The following ESCO2 variants were observed in gnomAD, a reference collection of about 807,000 sequenced individuals.
The protein encoded by ESCO2 is establishment of sister chromatid cohesion N-acetyltransferase 2, also known as N-acetyltransferase ESCO2.
In ESCO2, 51 loss-of-function variants were observed where a neutral mutation model predicts 61.7. The observed-to-expected ratio is 0.83, with a 90% CI of 0.66 to 1.04. The LOEUF is 1.04. Ranked by LOEUF, ESCO2 falls within the 50% of genes least tolerant of loss-of-function variation. The pLI is 0.00. For missense variants in ESCO2, 692 were observed against 686.2 expected (o/e 1.01, Z -0.09); for synonymous variants, 230 against 238.2 (o/e 0.97, Z 0.32).
At chr8:27,814,155 G>C (rs1484281182), downstream of ESCO2, among the ~76,000 whole-genome samples, 1 of 152,044 alleles carries the variant, frequency 6.6e-6, no homozygotes, top group Non-Finnish European at 1.5e-5. Flanking sequence ...TTGGATATTT[G>C]GTAGAAATCA....
At position 27,799,556 on chromosome 8, in the gene ESCO2, T is replaced by A; in HGVS notation, c.1513T>A (p.Ser505Thr). The A allele has an allele frequency of 6.2e-7, 1 of 1,614,034 alleles. No individual in the cohort carries two copies. Among genetic ancestry groups the A allele is most frequent in the Non-Finnish European group, 8.5e-7 (1 of 1,179,990 alleles). Residue 505 changes from serine (S) to threonine (T), a missense_variant, in exon 10 of 11, where the codon TCT becomes ACT. Coordinates refer to ENST00000305188, the MANE Select transcript of ESCO2 (RefSeq NM_001017420.3). ...EPIKQAFRVL[S>T]EPIGPESPSS... ...ATCATTGCAGGCATTTCGTGTCCTGTCTGAACCAATTGGTCCAGAATCCCC... is the reference window on the plus strand; with the variant it reads ...ATCATTGCAGGCATTTCGTGTCCTGACTGAACCAATTGGTCCAGAATCCCC...
downstream of ESCO2, among the ~76,000 whole-genome samples, chr8:27,809,345 T>C (rs557728185): frequency 6.6e-6 from 1 of 152,224 alleles, no homozygotes; most frequent in Non-Finnish European, 1.5e-5. Context: ...CTAGGCATTT[T>C]TAAAGTTCAG....
chr8:27,798,393 G>A (rs1409090745), intron 9 of ESCO2, among the ~76,000 whole-genome samples: 1 of 152,070 alleles, frequency 6.6e-6, no homozygotes, highest in Non-Finnish European at 1.5e-5. Context: ...CCAGGAGGTG[G>A]AGGTTGCAGT....
chr8:27,777,447 C>T, intron 3 of ESCO2: 1 of 239,412 alleles, frequency 4.2e-6, no homozygotes, highest in East Asian at 1.2e-4. Flanking sequence ...TATAGATGCA[C>T]ACCACCTCAC....
chr8:27,818,038 G>A, the ESCO2 span, among the ~76,000 whole-genome samples: 3 of 152,176 alleles, frequency 2.0e-5, no homozygotes, highest in African/African-American at 7.2e-5. Flanking sequence ...GTATTGGACA[G>A]TACCACTCCA....
Position 27,804,324 on chromosome 8 carries a change from T to G in ESCO2, c.*886T>G. The G allele has an allele frequency of 1.0e-6, 1 of 985,456 alleles. No individual in the cohort carries two copies. Among genetic ancestry groups the G allele is most frequent in the Non-Finnish European group, 1.2e-6 (1 of 829,918 alleles). 61.0% of individuals were successfully genotyped at this position (985,456 alleles called of 1,614,324 possible). A position where few individuals can be genotyped will look rare whatever the true frequency, so the allele number is the denominator to read the frequency against. On this transcript the variant is annotated 3_prime_UTR_variant, in exon 11 of 11. Transcript: ENST00000305188. ...TAGTACTACTTTGGGAACCTGTTAC[T>G]GACAATTGATGTCATTAACAAAATG... is the stretch of plus-strand genomic sequence containing the variant.
chr8:27,790,963 G>GC (rs1318744333), intron 7 of ESCO2, among the ~76,000 whole-genome samples: 7 of 152,042 alleles, frequency 4.6e-5, no homozygotes, highest in Non-Finnish European at 8.8e-5. Flanking sequence ...ATCCTTCTCT[G>GC]TAAAAAATGT....
rs573558816 is a variant in ESCO2 at position 27,803,655 on chromosome 8, A to C, written c.*217A>C. 9.0e-6 allele frequency: 12 copies of C among 1,340,614 alleles called. No individual in the cohort carries two copies. In the East Asian group the frequency reaches 3.7e-4, roughly 41 times the overall value. 83.0% of individuals were successfully genotyped at this position (1,340,614 alleles called of 1,614,324 possible). A position where few individuals can be genotyped will look rare whatever the true frequency, so the allele number is the denominator to read the frequency against. ...AAATTATCTGGGGATTCAAAGGAAA[A>C]ATCTTTGGGTGATTCCCTGATTAGC... On this transcript the variant is annotated 3_prime_UTR_variant, in exon 11 of 11. Coordinates refer to ENST00000305188, the MANE Select transcript of ESCO2 (RefSeq NM_001017420.3).
At chr8:27,780,016 C>T (rs1451806452) in intron 3 of ESCO2, 158 bp from the exon 4 acceptor site, 1 of 606,884 alleles carries the variant, frequency 1.6e-6, no homozygotes, top group African/African-American at 1.9e-5. Context: ...GGGAAGTTTT[C>T]CTAAAAATAG....
At chr8:27,792,088 C>T in intron 8 of ESCO2, 36 bp downstream of exon 8, 1 of 1,603,554 alleles carries the variant, frequency 6.2e-7, no homozygotes, top group Non-Finnish European at 8.5e-7. Flanking sequence ...TTGCCTTTCC[C>T]CACCCCCAAG....
intron 7 of ESCO2, 64 bp downstream of exon 7, chr8:27,789,042 C>A: frequency 6.3e-7 from 1 of 1,597,868 alleles, no homozygotes; most frequent in South Asian, 1.1e-5. Flanking sequence ...ATTTCTTTTC[C>A]ACCACCTCTA....
intron 5 of ESCO2, among the ~76,000 whole-genome samples, chr8:27,784,614 C>G (rs77294933): frequency 0.015 from 2,215 of 152,234 alleles, 49 homozygotes; most frequent in African/African-American, 0.045. Context: ...GAGTAAGTAA[C>G]TTGCAGCAGC....
upstream of ESCO2, chr8:27,772,599 T>A: frequency 6.6e-7 from 1 of 1,521,700 alleles, no homozygotes; most frequent in Non-Finnish European, 8.9e-7. Context: ...CTCACGAAGC[T>A]CAGGATACCA....
intron 9 of ESCO2, among the ~76,000 whole-genome samples, chr8:27,793,706 T>G (rs1008669210): frequency 2.0e-5 from 3 of 152,050 alleles, no homozygotes; most frequent in Non-Finnish European, 4.4e-5. Flanking sequence ...AGGCTGATCT[T>G]GAACTCCTGA....
At chr8:27,790,130 A>G (rs543947663) in intron 7 of ESCO2, among the ~76,000 whole-genome samples, 95 of 152,340 alleles carry the variant, frequency 6.2e-4, no homozygotes, top group Non-Finnish European at 1.2e-3. Context: ...CCACCTTGTC[A>G]CATGACACAT....
intron 4 of ESCO2, among the ~76,000 whole-genome samples, chr8:27,781,182 T>C (rs1804920316): frequency 6.6e-6 from 1 of 152,190 alleles, no homozygotes; most frequent in Non-Finnish European, 1.5e-5. Context: ...AGTTTATCAT[T>C]TAATTCTCCC....
chr8:27,800,275 T>TTA (rs1209633209), intron 10 of ESCO2, among the ~76,000 whole-genome samples: 1 of 152,178 alleles, frequency 6.6e-6, no homozygotes, highest in Non-Finnish European at 1.5e-5. Context: ...AAAATAATTC[T>TTA]TATAACACAA....
chr8:27,804,017 C>A lies in ESCO2; in HGVS notation c.*579C>A. 1 of 986,510 alleles carries A rather than the reference C, an allele frequency of 1.0e-6. No homozygotes were observed. Among genetic ancestry groups the A allele is most frequent in the African/African-American group, 1.7e-5 (1 of 57,306 alleles). The allele number at this position is 986,510 out of a possible 1,614,324, so 61.1% of individuals were successfully genotyped here. A position where few individuals can be genotyped will look rare whatever the true frequency, so the allele number is the denominator to read the frequency against. ...CGCTGGGATTACAGTCATGAGCCACCGTGCCCAGCCTAATTCCTGACTTCT... is the reference window on the plus strand; with the variant it reads ...CGCTGGGATTACAGTCATGAGCCACAGTGCCCAGCCTAATTCCTGACTTCT... On this transcript the variant is annotated 3_prime_UTR_variant, in exon 11 of 11. Transcript: ENST00000305188.
intron 5 of ESCO2, among the ~76,000 whole-genome samples, chr8:27,786,208 C>G (rs139363910): frequency 1.1e-4 from 16 of 152,062 alleles, no homozygotes; most frequent in Admixed American, 1.0e-3. Context: ...CGAAGGTGGA[C>G]GAACGCAGAA....
Sources: allele counts gnomAD v4.1 joint callset (sites outside exome capture counted in the v4.1 genomes callset), GRCh38; gene constraint gnomAD v4.1.1; transcripts MANE v1.5; gene names NCBI Gene and HGNC (gene_info 2026-07-23, HGNC 2026-07-21).